The following EFCAB6 variants were observed in gnomAD, a reference collection of about 807,000 sequenced individuals.
EFCAB6 encodes EF-hand calcium-binding domain-containing protein 6.
EFCAB6 carries 156 observed loss-of-function variants against 169.8 expected under a neutral mutation model. That is an observed-to-expected ratio of 0.92 (90% CI 0.81 to 1.05). The LOEUF (loss-of-function observed/expected upper bound fraction) is 1.05. Ranked by LOEUF, EFCAB6 falls within the 50% of genes least tolerant of loss-of-function variation. EFCAB6 has a pLI of 0.00. For missense variants in EFCAB6, 1,800 were observed against 1,829.1 expected (o/e 0.98, Z 0.29); for synonymous variants, 698 against 676.4 (o/e 1.03, Z -0.50).
At chr22:43,767,104 C>T (rs2061345896) in intron 4 of EFCAB6, among the ~76,000 whole-genome samples, 1 of 152,184 alleles carries the variant, frequency 6.6e-6, no homozygotes, top group African/African-American at 2.4e-5. Context: ...AAGCTTCACA[C>T]AAATACACAA....
intron 7 of EFCAB6, among the ~76,000 whole-genome samples, chr22:43,734,381 C>T (rs1402624993): frequency 6.6e-6 from 1 of 152,086 alleles, no homozygotes; most frequent in Non-Finnish European, 1.5e-5. Context: ...TGTTCATTTT[C>T]TCAAGCCTTA....
chr22:43,668,601 C>T (rs2057360125), intron 16 of EFCAB6, among the ~76,000 whole-genome samples: 1 of 152,128 alleles, frequency 6.6e-6, no homozygotes, highest in Non-Finnish European at 1.5e-5. Flanking sequence ...AGATTCTTGA[C>T]CCAGGCCAGC....
intron 9 of EFCAB6, 29 bp from the exon 10 acceptor site, chr22:43,711,652 G>A (rs752704967): frequency 2.2e-5 from 35 of 1,565,414 alleles, no homozygotes; most frequent in South Asian, 1.6e-4. Flanking sequence ...AGAGTGTGGC[G>A]TTCATAAATA....
chr22:43,632,178 T>A lies in EFCAB6; in HGVS notation c.2159A>T (p.Tyr720Phe). The part of the protein sequence containing the change: ...PPQPPTPSKS[Y>F]VNSHFITAEE... Reference sequence around the variant, plus strand: ...TGCGGTGATAAAGTGGCTGTTCACGTAACTTTTTGAAGGAGTTGGAGGCTG... The same window carrying A: ...TGCGGTGATAAAGTGGCTGTTCACGAAACTTTTTGAAGGAGTTGGAGGCTG... The change falls in exon 19 of 32, where the codon TAC becomes TTC. Residue 720 changes from tyrosine to phenylalanine, a missense_variant. Coordinates refer to ENST00000262726, the MANE Select transcript of EFCAB6 (RefSeq NM_022785.4). 6 of 1,614,186 alleles carry A rather than the reference T, an allele frequency of 3.7e-6. No individual in the cohort carries two copies. The highest frequency in any genetic ancestry group is 5.1e-6 in the Non-Finnish European group (6 of 1,180,030).
intron 12 of EFCAB6, among the ~76,000 whole-genome samples, chr22:43,678,926 AAAG>A (rs1203134809): frequency 1.2e-4 from 18 of 152,230 alleles, no homozygotes; most frequent in Admixed American, 3.9e-4. Flanking sequence ...CAAAATCTGA[AAAG>A]AATATAAGGT....
chr22:43,581,395 G>A (rs557118446), intron 24 of EFCAB6, among the ~76,000 whole-genome samples: 1 of 149,468 alleles, frequency 6.7e-6, no homozygotes, highest in East Asian at 2.0e-4. Flanking sequence ...CACCTGCATC[G>A]ATGGCTCAGC....
intron 23 of EFCAB6, among the ~76,000 whole-genome samples, chr22:43,599,578 G>A (rs2052338268): frequency 7.1e-6 from 1 of 140,748 alleles, no homozygotes. Context: ...CCTTCCCGTT[G>A]CTCAGCTGTT....
Position 43,765,477 on chromosome 22 carries a change from C to A in EFCAB6, c.352-84G>T, listed in dbSNP as rs936715621. The A allele has an allele frequency of 7.9e-6, 8 of 1,010,992 alleles. No homozygotes were observed. The African/African-American group carries it at 1.1e-4, about 14-fold the overall frequency. 62.6% of individuals were successfully genotyped at this position (1,010,992 alleles called of 1,614,324 possible). ...GGTAAAGCAGATTTCTAAATCACAG[C>A]TCTCAGGATGTAACAGAGAATACTA... On this transcript the variant is annotated intron_variant, in intron 4 of 31. Transcript: ENST00000262726.
chr22:43,781,870 T>TA (rs1199599702), intron 3 of EFCAB6, among the ~76,000 whole-genome samples: 5 of 151,978 alleles, frequency 3.3e-5, no homozygotes, highest in African/African-American at 4.8e-5. Context: ...CTAAAACTGC[T>TA]AAAAAAAATT....
At position 43,711,534 on chromosome 22, in the gene EFCAB6, A is replaced by C; in HGVS notation, c.972T>G (p.Ile324Met). Residue 324 changes from isoleucine to methionine, a missense_variant, in exon 10 of 32, where the codon ATT becomes ATG. Ile to Met is a conservative substitution (Grantham distance 10). Transcript: ENST00000262726. ...TTTGGTATACAAAAGTGTCGAGGAC[A>C]ATCTTTAGATAATTAAAAGACACGT... The part of the protein sequence containing the change: ...GGYVSFNYLK[I>M]VLDTFVYQIP... 6.2e-7 allele frequency: 1 copy of C among 1,605,268 alleles called. No individual in the cohort carries two copies. Among genetic ancestry groups the C allele is most frequent in the Non-Finnish European group, 8.5e-7 (1 of 1,178,044 alleles).
chr22:43,776,504 G>C (rs950149187), intron 3 of EFCAB6, among the ~76,000 whole-genome samples: 1 of 152,170 alleles, frequency 6.6e-6, no homozygotes, highest in Admixed American at 6.6e-5. Flanking sequence ...GAGTGCAGCT[G>C]GGGGCTGCTT....
intron 2 of EFCAB6, among the ~76,000 whole-genome samples, chr22:43,808,166 C>T (rs961582068): frequency 4.6e-5 from 7 of 152,034 alleles, no homozygotes; most frequent in East Asian, 1.9e-4. Context: ...TATGGTATAA[C>T]GATTTCCATA....
At chr22:43,531,797 T>G (rs369339219) in intron 30 of EFCAB6, among the ~76,000 whole-genome samples, 1 of 152,134 alleles carries the variant, frequency 6.6e-6, no homozygotes, top group Non-Finnish European at 1.5e-5. Context: ...GGGGCTCACA[T>G]GACCTCCCAC....
intron 7 of EFCAB6, among the ~76,000 whole-genome samples, chr22:43,732,355 T>G (rs1192617877): frequency 6.6e-6 from 1 of 151,954 alleles, no homozygotes; most frequent in African/African-American, 2.4e-5. Flanking sequence ...AAACAGGGGA[T>G]GGGTGGAGGA....
chr22:43,685,347 G>C (rs945676200), intron 11 of EFCAB6, among the ~76,000 whole-genome samples: 1 of 151,990 alleles, frequency 6.6e-6, no homozygotes, highest in East Asian at 1.9e-4. Flanking sequence ...GGAAGGGTGC[G>C]GGGGGAAGAT....
chr22:43,534,380 G>T (rs577378593), intron 30 of EFCAB6, among the ~76,000 whole-genome samples: 1 of 152,168 alleles, frequency 6.6e-6, no homozygotes, highest in African/African-American at 2.4e-5. Flanking sequence ...TGAGTCAATT[G>T]AACCTCTTTC....
chr22:43,755,592 G>A (rs1242836152), intron 6 of EFCAB6, among the ~76,000 whole-genome samples, 174 bp downstream of exon 6: 1 of 152,178 alleles, frequency 6.6e-6, no homozygotes, highest in African/African-American at 2.4e-5. Flanking sequence ...CAAAGTAGTC[G>A]GAATACAAGC....
At chr22:43,596,397 A>C (rs1047221796) in intron 23 of EFCAB6, among the ~76,000 whole-genome samples, 2 of 152,180 alleles carry the variant, frequency 1.3e-5, no homozygotes, top group African/African-American at 4.8e-5. Context: ...AAATTCAGTA[A>C]AGTTTTAGGA....
At chr22:43,636,381 C>G (rs1007601375) in intron 17 of EFCAB6, among the ~76,000 whole-genome samples, 2 of 152,156 alleles carry the variant, frequency 1.3e-5, no homozygotes, top group African/African-American at 4.8e-5. Context: ...TCGCCCTCAT[C>G]ATGGTCACTG....
Sources: gnomAD v4.1 joint callset for allele counts (sites outside exome capture counted in the v4.1 genomes callset) on GRCh38, gnomAD v4.1.1 for gene constraint, MANE v1.5 for transcripts, NCBI Gene and HGNC (gene_info 2026-07-23, HGNC 2026-07-21) for gene names.